COPG2: variants seen among roughly 807,000 people sequenced by gnomAD.
COPG2 encodes coat protein complex I subunit gamma 2, also known as coatomer subunit gamma-2.
In COPG2, 37 loss-of-function variants were observed where a neutral mutation model predicts 46.3. The observed-to-expected ratio is 0.80, with a 90% CI of 0.61 to 1.05. The LOEUF (loss-of-function observed/expected upper bound fraction) is 1.05, where lower values mean the gene tolerates loss of function less well. Among genes scored for constraint, COPG2 ranks in the 50% least tolerant of loss-of-function variants. The pLI is 0.00. For missense variants in COPG2, 427 were observed against 387.8 expected (o/e 1.10, Z -0.85); for synonymous variants, 159 against 129.7 (o/e 1.23, Z -1.53).
intron 12 of COPG2, among the ~76,000 whole-genome samples, chr7:130,556,402 G>A (rs1418891589): frequency 3.3e-5 from 5 of 152,054 alleles, no homozygotes; most frequent in Non-Finnish European, 4.4e-5. Context: ...GGCAGTTAGC[G>A]CCTAACTTGC....
intron 9 of COPG2, among the ~76,000 whole-genome samples, chr7:130,581,936 A>G (rs1554447228): frequency 6.6e-6 from 1 of 151,430 alleles, no homozygotes; most frequent in African/African-American, 2.4e-5. Flanking sequence ...GGTAATTTAC[A>G]GATTCAATGC....
At chr7:130,608,017 A>G (rs1265100162) in intron 9 of COPG2, 1 of 342,026 alleles carries the variant, frequency 2.9e-6, no homozygotes, top group Non-Finnish European at 5.7e-6. Context: ...AGGAGGATTA[A>G]GCTGGCCAAG....
At chr7:130,645,084 AAG>A (rs1795569333) in intron 5 of COPG2, 5 of 373,850 alleles carry the variant, frequency 1.3e-5, no homozygotes, top group Non-Finnish European at 2.1e-5. Context: ...AAAAAAAAAA[AAG>A]AAAAGAAATG....
At chr7:130,530,716 T>C (rs1799815882) in intron 20 of COPG2, among the ~76,000 whole-genome samples, 1 of 151,502 alleles carries the variant, frequency 6.6e-6, no homozygotes, top group Non-Finnish European at 1.5e-5. Flanking sequence ...AGAAAGAATG[T>C]GGAAGTGGGA....
At chr7:130,610,794 T>C (rs1554451927) in intron 9 of COPG2, 159 bp downstream of exon 9, 3 of 743,542 alleles carry the variant, frequency 4.0e-6, no homozygotes, top group East Asian at 5.2e-5. Context: ...TTAAAAAAAG[T>C]GTGACTTGAA....
chr7:130,583,468 CACATGTACCCTAAA>C (rs1554447513), intron 9 of COPG2, among the ~76,000 whole-genome samples: 9 of 123,084 alleles, frequency 7.3e-5, no homozygotes, highest in Admixed American at 2.1e-4. Flanking sequence ...GCACAATGTG[CACATGTACCCTAAA>C]ACATAAAGTA....
intron 5 of COPG2, among the ~76,000 whole-genome samples, chr7:130,624,387 T>C (rs1795084663): frequency 6.6e-6 from 1 of 152,200 alleles, no homozygotes; most frequent in Admixed American, 6.5e-5. Flanking sequence ...ATGTCCTCTA[T>C]GTGCTGTTTC....
intron 20 of COPG2, among the ~76,000 whole-genome samples, chr7:130,524,764 G>T (rs1470993238): frequency 1.3e-5 from 2 of 152,312 alleles, no homozygotes; most frequent in Non-Finnish European, 2.9e-5. Context: ...GCAGGGCATA[G>T]AAGTGCTGCT....
chr7:130,568,377 C>A (rs1793839917), intron 9 of COPG2, among the ~76,000 whole-genome samples: 1 of 152,132 alleles, frequency 6.6e-6, no homozygotes, highest in Non-Finnish European at 1.5e-5. Context: ...AAAGGTATTC[C>A]ATGCAAATGG....
intron 9 of COPG2, among the ~76,000 whole-genome samples, chr7:130,606,939 T>C (rs1370607061): frequency 2.0e-5 from 3 of 152,164 alleles, no homozygotes; most frequent in African/African-American, 7.2e-5. Context: ...GTAACTATTT[T>C]CCATTAAAGT....
chr7:130,550,361 AG>A (rs1793517798), intron 17 of COPG2, among the ~76,000 whole-genome samples, 162 bp downstream of exon 17: 1 of 140,194 alleles, frequency 7.1e-6, no homozygotes, highest in South Asian at 2.2e-4. Flanking sequence ...CAGTGACTAG[AG>A]ATCGCGCCAC....
chr7:130,593,205 A>C (rs1295061421), intron 9 of COPG2, among the ~76,000 whole-genome samples: 2 of 152,198 alleles, frequency 1.3e-5, no homozygotes, highest in African/African-American at 4.8e-5. Flanking sequence ...GAGGTGAAAG[A>C]CTCATTTTGG....
chr7:130,623,686 A>G (rs1795073225), intron 5 of COPG2, among the ~76,000 whole-genome samples: 2 of 152,184 alleles, frequency 1.3e-5, no homozygotes, highest in African/African-American at 4.8e-5. Flanking sequence ...GAGTTGGCCT[A>G]TTAAAAAACA....
Position 130,666,886 on chromosome 7 carries a change from A to G in COPG2, c.134T>C (p.Leu45Ser). Residue 45 changes from leucine to serine, a missense_variant, in exon 3 of 24, where the codon TTG becomes TCG. By Grantham distance (145) the Leu-to-Ser change is moderately radical. Coordinates refer to ENST00000425248, the MANE Select transcript of COPG2 (RefSeq NM_012133.6). ...GTAAAGAATCTTTGTAAGAATATGC[A>G]AACATCTTCTTGGATTGATTGGAGT... ...NETPINPRRCLHILTKILYLL... is the reference protein window; with the variant it reads ...NETPINPRRCSHILTKILYLL... The G allele has an allele frequency of 6.4e-7, 1 of 1,566,570 alleles. No individual in the cohort carries two copies. The highest frequency in any genetic ancestry group is 8.7e-7 in the Non-Finnish European group (1 of 1,146,428).
chr7:130,647,991 A>C (rs1047400332), intron 5 of COPG2, among the ~76,000 whole-genome samples: 1 of 151,948 alleles, frequency 6.6e-6, no homozygotes, highest in African/African-American at 2.4e-5. Context: ...CGGCCTCCCA[A>C]AGTGCTGGGA....
intron 5 of COPG2, among the ~76,000 whole-genome samples, chr7:130,650,957 A>T (rs1198853246): frequency 1.3e-5 from 2 of 152,222 alleles, no homozygotes; most frequent in African/African-American, 2.4e-5. Flanking sequence ...TTATATGAGA[A>T]AAAATAAACT....
intron 20 of COPG2, among the ~76,000 whole-genome samples, chr7:130,515,813 T>C (rs1309505505): frequency 2.0e-5 from 3 of 152,172 alleles, no homozygotes; most frequent in East Asian, 3.9e-4. Flanking sequence ...GGAAGGGCAC[T>C]GAAGCATGAC....
At chr7:130,636,537 G>A (rs1490456254) in intron 5 of COPG2, among the ~76,000 whole-genome samples, 4 of 84,212 alleles carry the variant, frequency 4.7e-5, no homozygotes, top group African/African-American at 1.6e-4. Context: ...GATTGCAACC[G>A]GTTTTTTTTT....
In COPG2 at chr7:130,575,944, T is replaced by C. The variant is rs1644707509; in HGVS notation, c.738-11551A>G. Among the ~76,000 whole-genome samples, 3 of 152,104 alleles carry C rather than the reference T, an allele frequency of 2.0e-5. No homozygotes were observed. In the South Asian group the frequency reaches 6.2e-4, roughly 31 times the overall value. On this transcript the variant is annotated intron_variant, in intron 9 of 23. Coordinates refer to ENST00000425248, the MANE Select transcript of COPG2 (RefSeq NM_012133.6). Reference sequence around the variant, plus strand: ...TTCTTATATCAGACAAAACAAACTTTAAAGCAACAGCAGTTAAAAGAGACA... The same window carrying C: ...TTCTTATATCAGACAAAACAAACTTCAAAGCAACAGCAGTTAAAAGAGACA...
Sources: allele counts gnomAD v4.1 joint callset (sites outside exome capture counted in the v4.1 genomes callset), GRCh38; gene constraint gnomAD v4.1.1; transcripts MANE v1.5; gene names NCBI Gene and HGNC (gene_info 2026-07-23, HGNC 2026-07-21).